The following GRIK5 variants were observed in gnomAD, a reference collection of about 807,000 sequenced individuals.
GRIK5 encodes glutamate receptor ionotropic, kainate 5.
GRIK5 carries 43 observed loss-of-function variants against 97.4 expected under a neutral mutation model. That is an observed-to-expected ratio of 0.44 (90% confidence interval 0.35 to 0.57). The LOEUF is 0.57. Ranked by LOEUF, GRIK5 falls within the 20% of genes least tolerant of loss-of-function variation. The probability of loss-of-function intolerance (pLI) is 0.01; values close to 1 mark genes in which losing one functional copy is unlikely to be tolerated. For missense variants in GRIK5, 1,015 were observed against 1,382.0 expected (o/e 0.73, Z 4.21); for synonymous variants, 580 against 583.5 (o/e 0.99, Z 0.09).
In GRIK5 at chr19:42,042,704, C is replaced by T. The variant is rs1568913790; in HGVS notation, c.1321G>A (p.Glu441Lys). Residue 441 changes from glutamate (E) to lysine (K), a missense_variant, in exon 12 of 20, where the codon GAA (glutamate) becomes AAA (lysine). By Grantham distance (56) the Glu-to-Lys change is moderately conservative. Coordinates refer to ENST00000593562, the MANE Select transcript of GRIK5 (RefSeq NM_002088.5). This position sits in a 1 kb window ranked among gnomAD's most constrained non-coding sequence, Gnocchi z 6.9. ...TCCACGCAGAAGCCCTCGAAGCGTT[C>T]GTTCCCCGACAGGGCCTGGAAGTTG... ...RPNFQALSGNERFEGFCVDML... is the reference protein window; with the variant it reads ...RPNFQALSGNKRFEGFCVDML... 10 of 1,613,728 alleles carry T rather than the reference C, an allele frequency of 6.2e-6. No homozygotes were observed. The highest frequency in any genetic ancestry group is 1.1e-5 in the South Asian group (1 of 91,076).
At chr19:42,029,281 T>C (rs571979015) in intron 12 of GRIK5, among the ~76,000 whole-genome samples, 17 of 150,968 alleles carry the variant, frequency 1.1e-4, no homozygotes, top group African/African-American at 3.6e-4. Flanking sequence ...TTGGCCAGGA[T>C]GGTCTCGATC....
chr19:41,999,071 G>A lies in GRIK5; in HGVS notation c.2743C>T (p.Pro915Ser), dbSNP rs1295614497. ...GPQRLLDDPG[P>S]PSGARPAAPT... ...GCGGCGGGTCGGGCTCCGCTGGGGG[G>A]CCCCGGGTCGTCCAGGAGGCGCTGC... Residue 915 changes from proline to serine, a missense_variant, in exon 20 of 20, where the codon CCC becomes TCC. Coordinates refer to ENST00000593562, the MANE Select transcript of GRIK5 (RefSeq NM_002088.5). This position sits in a 1 kb window ranked among gnomAD's most constrained non-coding sequence, Gnocchi z 5.0. 4 of 1,294,690 alleles carry A rather than the reference G, an allele frequency of 3.1e-6. No individual in the cohort carries two copies. The highest frequency in any genetic ancestry group is 3.3e-5 in the East Asian group (1 of 29,888). 80.2% of individuals were successfully genotyped at this position (1,294,690 alleles called of 1,614,324 possible).
chr19:42,023,478 G>A (rs1370619958), intron 12 of GRIK5, among the ~76,000 whole-genome samples: 1 of 152,158 alleles, frequency 6.6e-6, no homozygotes, highest in African/African-American at 2.4e-5. Flanking sequence ...AGCACCCACT[G>A]GGGGTCTGTC....
chr19:42,035,868 CAG>C (rs907378625), intron 12 of GRIK5, among the ~76,000 whole-genome samples: 1 of 152,070 alleles, frequency 6.6e-6, no homozygotes, highest in Non-Finnish European at 1.5e-5. Flanking sequence ...CATATATAAA[CAG>C]AAAATAAAGG....
At position 42,059,128 on chromosome 19, in the gene GRIK5, C is replaced by T. The variant is rs973230388; in HGVS notation, c.687+221G>A. Among the ~76,000 whole-genome samples, 3 of 152,178 alleles carry T rather than the reference C, an allele frequency of 2.0e-5. No individual in the cohort carries two copies. In the East Asian group the frequency reaches 5.8e-4, roughly 29 times the overall value. On this transcript the variant is annotated intron_variant, in intron 6 of 19. Coordinates refer to ENST00000593562, the MANE Select transcript of GRIK5 (RefSeq NM_002088.5). ...TCACTCATTAACCCTCACAACCCACCGAGCAGGGACTATTCACAGGGAGAT... is the reference window on the plus strand; with the variant it reads ...TCACTCATTAACCCTCACAACCCACTGAGCAGGGACTATTCACAGGGAGAT...
chr19:42,067,854 G>A (rs2076359479), intron 1 of GRIK5, among the ~76,000 whole-genome samples: 1 of 152,182 alleles, frequency 6.6e-6, no homozygotes, highest in Admixed American at 6.5e-5. Flanking sequence ...GTGTCAGGCA[G>A]GTCCAGGACT....
Position 42,006,616 on chromosome 19 carries a change from C to A in GRIK5, c.2037+29G>T, listed in dbSNP as rs1555872741. ...GCTTTGCATGGCAGGGATCCCAACA[C>A]CACGCCTGAGAGGTTCTGGTGGCCC... On this transcript the variant is annotated intron_variant, in intron 16 of 19. Transcript: ENST00000593562. This position sits in a 1 kb window ranked among gnomAD's most constrained non-coding sequence, Gnocchi z 5.3. 1.2e-6 allele frequency: 2 copies of A among 1,607,856 alleles called. No homozygotes were observed. Among genetic ancestry groups the A allele is most frequent in the African/African-American group, 1.3e-5 (1 of 74,802 alleles).
intron 12 of GRIK5, among the ~76,000 whole-genome samples, chr19:42,033,873 G>A (rs1338933575): frequency 3.3e-5 from 5 of 151,930 alleles, no homozygotes; most frequent in South Asian, 2.1e-4. Flanking sequence ...GGTGGTGTGC[G>A]CCTGTAATTC....
Position 42,022,627 on chromosome 19 carries a change from G to T in GRIK5, c.1474-273C>A, listed in dbSNP as rs2075715183. The T allele has an allele frequency of 1.0e-6, 1 of 985,102 alleles. No individual in the cohort carries two copies. Among genetic ancestry groups the T allele is most frequent in the African/African-American group, 1.7e-5 (1 of 57,218 alleles). The allele number at this position is 985,102 out of a possible 1,614,324, so 61.0% of individuals were successfully genotyped here. A position where few individuals can be genotyped will look rare whatever the true frequency, so the allele number is the denominator to read the frequency against. ...AACTGTGTCCCAGCATCAAGGGCTG[G>T]GGATGGAGGGGTTCCCCAAACTCCA... On this transcript the variant is annotated intron_variant, in intron 12 of 19. Coordinates refer to ENST00000593562, the MANE Select transcript of GRIK5 (RefSeq NM_002088.5). The surrounding 1 kb of genome is among the most constrained non-coding windows in gnomAD (Gnocchi z 4.2).
rs1555871541 is a variant in GRIK5 at position 42,003,380 on chromosome 19, C to T, written c.2466G>A (p.Ala822=). ...GTGTGGACCATATGAATTCCATGAC[C>T]GCCACGAAGACAGCAATGATGAGGC... ...ICGLIIAVFV[A]VMEFIWSTRR... is the part of the protein sequence containing the mutation. Residue 822 remains alanine (A), a synonymous_variant, in exon 19 of 20, where the codon GCG becomes GCA. Coordinates refer to ENST00000593562, the MANE Select transcript of GRIK5 (RefSeq NM_002088.5). The surrounding 1 kb of genome is among the most constrained non-coding windows in gnomAD (Gnocchi z 4.2). 1.1e-5 allele frequency: 18 copies of T among 1,613,476 alleles called. No individual in the cohort carries two copies. In the East Asian group the frequency reaches 2.0e-4, roughly 18 times the overall value.
In GRIK5 at chr19:42,069,280, C is replaced by G. The variant is rs1239376805; in HGVS notation, c.-90G>C. On this transcript the variant is annotated 5_prime_UTR_variant, in exon 1 of 20. Transcript: ENST00000593562. ...CGGAGGGCTGGGCTCCCTCGAGGCCCGAAGACCGACAGCGGGAGGTGCTCT... is the reference window on the plus strand; with the variant it reads ...CGGAGGGCTGGGCTCCCTCGAGGCCGGAAGACCGACAGCGGGAGGTGCTCT... The G allele has an allele frequency of 5.2e-6, 1 of 192,816 alleles. No homozygotes were observed. The highest frequency in any genetic ancestry group is 1.1e-5 in the Non-Finnish European group (1 of 94,926). 11.9% of individuals were successfully genotyped at this position (192,816 alleles called of 1,614,324 possible). A position where few individuals can be genotyped will look rare whatever the true frequency, so the allele number is the denominator to read the frequency against.
intron 15 of GRIK5, among the ~76,000 whole-genome samples, chr19:42,010,582 C>T (rs1301326986): frequency 6.6e-6 from 1 of 152,104 alleles, no homozygotes; most frequent in Non-Finnish European, 1.5e-5. Flanking sequence ...AAATATCCCT[C>T]AAAGAAGACA....
chr19:42,013,093 C>A (rs1485229461), intron 15 of GRIK5, among the ~76,000 whole-genome samples: 1 of 151,718 alleles, frequency 6.6e-6, no homozygotes, highest in African/African-American at 2.4e-5. Context: ...GTGGCTCATG[C>A]CTGTAATCGC....
At chr19:42,013,187 CAA>C (rs59687748) in intron 15 of GRIK5, among the ~76,000 whole-genome samples, 16 of 127,308 alleles carry the variant, frequency 1.3e-4, no homozygotes, top group Non-Finnish European at 2.2e-4. Flanking sequence ...GAACTCTCTA[CAA>C]AAAAAAAAAA....
intron 1 of GRIK5, 179 bp downstream of exon 1, chr19:42,069,059 GAGA>G: frequency 2.1e-6 from 1 of 466,390 alleles, no homozygotes; most frequent in South Asian, 3.8e-5. Flanking sequence ...AAGAAGAGGT[GAGA>G]AGAGGTCGAG....
intron 11 of GRIK5, among the ~76,000 whole-genome samples, chr19:42,052,833 G>A (rs1460177150): frequency 6.6e-6 from 1 of 152,196 alleles, no homozygotes; most frequent in Non-Finnish European, 1.5e-5. Flanking sequence ...TCAGCATGGT[G>A]CAGCAGAGAG....
At chr19:42,012,221 T>A (rs1309000831) in intron 15 of GRIK5, among the ~76,000 whole-genome samples, 1 of 151,720 alleles carries the variant, frequency 6.6e-6, no homozygotes, top group African/African-American at 2.4e-5. Flanking sequence ...TATATACATG[T>A]ATGTGTATGT....
intron 1 of GRIK5, chr19:42,068,999 G>T: frequency 1.9e-6 from 1 of 530,838 alleles, no homozygotes; most frequent in Non-Finnish European, 3.4e-6. Context: ...CAGCCCCGTA[G>T]GACCCCAGAA....
chr19:42,068,911 C>G (rs960929630), intron 1 of GRIK5: 1 of 680,386 alleles, frequency 1.5e-6, no homozygotes, highest in Non-Finnish European at 2.7e-6. Flanking sequence ...AGTCTGGGAC[C>G]AGGACGGAGG....
Sources: allele counts gnomAD v4.1 joint callset (sites outside exome capture counted in the v4.1 genomes callset), GRCh38; gene constraint gnomAD v4.1.1; non-coding constraint Gnocchi (gnomAD v3.1); transcripts MANE v1.5; gene names NCBI Gene and HGNC (gene_info 2026-07-23, HGNC 2026-07-21).